ST3GAL5: variants seen among roughly 807,000 people sequenced by gnomAD.
ST3GAL5 encodes the protein ST3 beta-galactoside alpha-2,3-sialyltransferase 5.
A neutral mutation model predicts 46.1 loss-of-function variants in ST3GAL5; 25 were observed. That is an observed-to-expected ratio of 0.54 (90% CI 0.40 to 0.76). The LOEUF (loss-of-function observed/expected upper bound fraction) is 0.76. Ranked by LOEUF, ST3GAL5 falls within the 30% of genes least tolerant of loss-of-function variation. ST3GAL5 has a pLI of 0.00. For synonymous variants in ST3GAL5, 182 were observed against 192.7 expected (o/e 0.94, Z 0.46); for missense variants, 431 against 521.2 (o/e 0.83, Z 1.69).
At chr2:85,884,866 T>C (rs555632337) in intron 1 of ST3GAL5, among the ~76,000 whole-genome samples, 3 of 152,310 alleles carry the variant, frequency 2.0e-5, no homozygotes, top group Admixed American at 2.0e-4. Flanking sequence ...AAAACAGCCT[T>C]AACAGTCAAA....
chr2:85,851,204 C>G, intron 3 of ST3GAL5: 3 of 1,032,470 alleles, frequency 2.9e-6, no homozygotes, highest in South Asian at 6.9e-5. Context: ...TGTGAGCCAC[C>G]ACGCCCAGCC....
At chr2:85,849,481 G>T (rs1194493283) in intron 3 of ST3GAL5, 3 of 152,144 alleles carry the variant, frequency 2.0e-5, no homozygotes, top group Non-Finnish European at 4.4e-5. Flanking sequence ...GGCACGTGGT[G>T]GTGGGCACCT....
chr2:85,846,109 T>C (rs1329577332), intron 5 of ST3GAL5: 4 of 404,630 alleles, frequency 9.9e-6, no homozygotes, highest in South Asian at 2.5e-5. Context: ...GGCAGGAGAA[T>C]TGCTTGAACC....
chr2:85,875,117 T>C (rs957271462), intron 1 of ST3GAL5, among the ~76,000 whole-genome samples: 18 of 152,144 alleles, frequency 1.2e-4, no homozygotes, highest in Non-Finnish European at 2.9e-5. Context: ...TGGAGTGCAG[T>C]GGCGTGATCA....
Position 85,888,947 on chromosome 2 carries a change from GCGCCCCCACC to G in ST3GAL5, c.-52_-43del. 1 of 1,279,072 alleles carries G rather than the reference GCGCCCCCACC, an allele frequency of 7.8e-7. No homozygotes were observed. Among genetic ancestry groups the G allele is most frequent in the South Asian group, 2.2e-5 (1 of 46,028 alleles). The allele number at this position is 1,279,072 out of a possible 1,614,324, so 79.2% of individuals were successfully genotyped here. On this transcript the variant is annotated 5_prime_UTR_variant, in exon 1 of 7. An upstream open reading frame in the 5' UTR loses its in-frame stop. Coordinates refer to ENST00000638572, the MANE Select transcript of ST3GAL5 (RefSeq NM_003896.4). The stretch of plus-strand genomic sequence containing the variant: ...CGGCCGGCCGCCAGCCCGGTACCCC[GCGCCCCCACC>G]CGCCCCCAGCGCCGCTCTCGCGCCC...
In ST3GAL5 at chr2:85,851,746, T is replaced by C. The variant is rs1683536520; in HGVS notation, c.319-3542A>G. ...AGCAGTGTGACTAGGCTGTGAGGAC[T>C]CCAGAGCTCCCAGGAAGGCCTCAGA... is the stretch of plus-strand genomic sequence containing the variant. On this transcript the variant is annotated intron_variant, in intron 3 of 6. Transcript: ENST00000638572. 2.3e-6 allele frequency: 3 copies of C among 1,288,406 alleles called. No homozygotes were observed. In the African/African-American group the frequency reaches 4.6e-5, roughly 20 times the overall value. 79.8% of individuals were successfully genotyped at this position (1,288,406 alleles called of 1,614,324 possible).
intron 1 of ST3GAL5, among the ~76,000 whole-genome samples, chr2:85,878,571 T>C (rs1686826250): frequency 6.6e-6 from 1 of 152,238 alleles, no homozygotes. Context: ...AAGTCTCTTG[T>C]AGAACCTCAG....
chr2:85,844,246 T>C (rs988918675), intron 6 of ST3GAL5, 150 bp downstream of exon 6: 7 of 958,808 alleles, frequency 7.3e-6, no homozygotes, highest in Middle Eastern at 3.2e-4. Flanking sequence ...TGCAGCCAAG[T>C]GCAGAGTGGT....
At chr2:85,863,014 A>G (rs1470805532) in intron 2 of ST3GAL5, among the ~76,000 whole-genome samples, 2 of 152,214 alleles carry the variant, frequency 1.3e-5, no homozygotes, top group African/African-American at 4.8e-5. Flanking sequence ...TTAATTAACC[A>G]TATTTTAGAT....
At chr2:85,870,240 A>C (rs1254530463) in intron 1 of ST3GAL5, 1 of 470,724 alleles carries the variant, frequency 2.1e-6, no homozygotes, top group Non-Finnish European at 4.4e-6. Context: ...TGCTTTGCAC[A>C]CCACTGTCTT....
chr2:85,862,035 GT>G (rs55888830), intron 2 of ST3GAL5, among the ~76,000 whole-genome samples: 6,686 of 150,436 alleles, frequency 0.044, 211 homozygotes, highest in Non-Finnish European at 0.065. Context: ...TAAAGGGGCA[GT>G]TTTTTTTTCA....
In ST3GAL5 at chr2:85,874,079, A is replaced by G. The variant is rs144976101; in HGVS notation, c.83-10594T>C. 4.5e-4 allele frequency among the ~76,000 whole-genome samples: 69 copies of G among 152,346 alleles called. No individual in the cohort carries two copies. In the East Asian group the frequency reaches 0.013, roughly 28 times the overall value. On this transcript the variant is annotated intron_variant, in intron 1 of 6. Coordinates refer to ENST00000638572, the MANE Select transcript of ST3GAL5 (RefSeq NM_003896.4). ...GAGGACCTACCTTCTGCAATGAAAA[A>G]AATTAAAATGTTGCTGTGTGAACGC...
At chr2:85,859,936 C>T (rs983088698) in intron 3 of ST3GAL5, among the ~76,000 whole-genome samples, 1 of 152,134 alleles carries the variant, frequency 6.6e-6, no homozygotes, top group Non-Finnish European at 1.5e-5. Flanking sequence ...CTGCTTTTAA[C>T]TTTGGGCTTC....
chr2:85,871,725 C>A (rs1192035851), intron 1 of ST3GAL5, among the ~76,000 whole-genome samples: 1 of 152,212 alleles, frequency 6.6e-6, no homozygotes, highest in Non-Finnish European at 1.5e-5. Flanking sequence ...TGCACCTCCA[C>A]ACCCATACTT....
At chr2:85,887,210 G>A (rs1687856644) in intron 1 of ST3GAL5, among the ~76,000 whole-genome samples, 1 of 152,152 alleles carries the variant, frequency 6.6e-6, no homozygotes, top group Non-Finnish European at 1.5e-5. Context: ...GCAAACCAAA[G>A]AACAAAGAGT....
Position 85,888,869 on chromosome 2 carries a change from G to C in ST3GAL5, c.37C>G (p.Pro13Ala). Reference protein sequence around the residue: ...TKAAGCAERRPLQPRTEAAAA... With the variant: ...TKAAGCAERRALQPRTEAAAA... ...GCTGCCTCGGTCCGCGGCTGCAGGGGACGCCGCTCCGCGCAGCCCGCCGCC... is the reference window on the plus strand; with the variant it reads ...GCTGCCTCGGTCCGCGGCTGCAGGGCACGCCGCTCCGCGCAGCCCGCCGCC... Residue 13 changes from proline (P) to alanine (A), a missense_variant, in exon 1 of 7, where the codon CCC (proline) becomes GCC (alanine). By Grantham distance (27) the Pro-to-Ala change is conservative. Transcript: ENST00000638572. The C allele has an allele frequency of 2.2e-6, 3 of 1,366,408 alleles. No homozygotes were observed. The highest frequency in any genetic ancestry group is 2.9e-6 in the Non-Finnish European group (3 of 1,052,458). The allele number at this position is 1,366,408 out of a possible 1,614,324, so 84.6% of individuals were successfully genotyped here.
intron 2 of ST3GAL5, 125 bp from the exon 3 acceptor site, chr2:85,861,417 T>C (rs1169058780): frequency 8.4e-6 from 6 of 712,528 alleles, no homozygotes; most frequent in Non-Finnish European, 1.5e-5. Context: ...AATCTTTAAG[T>C]TGACATTGGG....
intron 3 of ST3GAL5, 25 bp from the exon 4 acceptor site, chr2:85,848,229 G>C: frequency 6.2e-7 from 1 of 1,613,672 alleles, no homozygotes; most frequent in Non-Finnish European, 8.5e-7. Flanking sequence ...CACCAATCTG[G>C]GTTTTAAAAA....
intron 1 of ST3GAL5, among the ~76,000 whole-genome samples, chr2:85,871,204 T>C (rs1685888599): frequency 6.6e-6 from 1 of 152,124 alleles, no homozygotes; most frequent in African/African-American, 2.4e-5. Flanking sequence ...ACCCAGCTGA[T>C]TTTTTTAATT....
Sources: gnomAD v4.1 joint callset for allele counts (sites outside exome capture counted in the v4.1 genomes callset) on GRCh38, gnomAD v4.1.1 for gene constraint, MANE v1.5 for transcripts, NCBI Gene and HGNC (gene_info 2026-07-23, HGNC 2026-07-21) for gene names.